Variants in ZZEF1 observed in about 807,000 individuals in gnomAD.
The protein encoded by ZZEF1 is zinc finger ZZ-type and EF-hand domain containing 1.
In ZZEF1, 157 loss-of-function variants were observed where a neutral mutation model predicts 342.8. That is an observed-to-expected ratio of 0.46 (90% CI 0.40 to 0.52). The LOEUF (loss-of-function observed/expected upper bound fraction) is 0.52, where lower values mean the gene tolerates loss of function less well. Ranked by LOEUF, ZZEF1 falls within the 20% of genes least tolerant of loss-of-function variation. The pLI, the probability that ZZEF1 is intolerant of heterozygous loss-of-function variation, is 0.00. For synonymous variants in ZZEF1, 1,505 were observed against 1,429.1 expected, an observed-to-expected ratio of 1.05 and a Z score of -1.20; for missense variants, 3,480 against 3,725.6, an observed-to-expected ratio of 0.93 and a Z score of 1.72.
intron 1 of ZZEF1, among the ~76,000 whole-genome samples, chr17:4,138,046 G>C (rs2058782156): frequency 2.0e-5 from 3 of 152,182 alleles, no homozygotes; most frequent in African/African-American, 7.2e-5. Context: ...CATCCCACTA[G>C]CTAGCACAGG....
intron 7 of ZZEF1, 98 bp from the exon 8 acceptor site, chr17:4,104,909 C>T (rs1258954882): frequency 1.4e-5 from 14 of 982,664 alleles, no homozygotes; most frequent in Non-Finnish European, 2.1e-5. Context: ...TAACATTAAC[C>T]TGCCATATGC....
intron 5 of ZZEF1, among the ~76,000 whole-genome samples, chr17:4,110,222 A>G (rs941460936): frequency 1.3e-5 from 2 of 152,216 alleles, no homozygotes; most frequent in Non-Finnish European, 2.9e-5. Flanking sequence ...GGATTCTGAA[A>G]TTTGGATTAA....
chr17:4,072,873 G>T, intron 24 of ZZEF1, 117 bp from the exon 25 acceptor site: 1 of 1,061,724 alleles, frequency 9.4e-7, no homozygotes, highest in South Asian at 1.8e-5. Context: ...CTTAGAGAAA[G>T]TTTACCCACA....
chr17:4,060,762 G>A lies in ZZEF1; in HGVS notation c.4884-1472C>T, dbSNP rs539226162. On this transcript the variant is annotated intron_variant, in intron 30 of 54. Coordinates refer to ENST00000381638, the MANE Select transcript of ZZEF1 (RefSeq NM_015113.4). Reference sequence around the variant, plus strand: ...AGAAAGAAAAGTAACAATCACATAGGAATTCCCTTACCTTTGCACCACCAA... The same window carrying A: ...AGAAAGAAAAGTAACAATCACATAGAAATTCCCTTACCTTTGCACCACCAA... Among the ~76,000 whole-genome samples the A allele has an allele frequency of 5.3e-5, 8 of 152,190 alleles. No individual in the cohort carries two copies. In the East Asian group the frequency reaches 1.5e-3, roughly 29 times the overall value.
At chr17:4,099,358 C>T (rs1597890292) in intron 9 of ZZEF1, among the ~76,000 whole-genome samples, 1 of 152,086 alleles carries the variant, frequency 6.6e-6, no homozygotes, top group East Asian at 1.9e-4. Context: ...AGTAGGCCCA[C>T]AGGCAAACAC....
rs571826742 is a variant in ZZEF1 at position 4,038,336 on chromosome 17, T to C, written c.6307-4044A>G. On this transcript the variant is annotated intron_variant, in intron 39 of 54. Transcript: ENST00000381638. Reference sequence around the variant, plus strand: ...GCTCATCAAAAGCCACAGACAGGTGTGCTCATAGTATTGTCTGGAGTAATT... The same window carrying C: ...GCTCATCAAAAGCCACAGACAGGTGCGCTCATAGTATTGTCTGGAGTAATT... Among the ~76,000 whole-genome samples, 6 of 152,340 alleles carry C rather than the reference T, an allele frequency of 3.9e-5. No homozygotes were observed. The East Asian group carries it at 1.2e-3, about 29-fold the overall frequency.
At chr17:4,123,061 G>C (rs1278570827) in intron 2 of ZZEF1, among the ~76,000 whole-genome samples, 1 of 150,700 alleles carries the variant, frequency 6.6e-6, no homozygotes, top group African/African-American at 2.4e-5. Flanking sequence ...CTGGGACTAC[G>C]GGCACCCGCC....
intron 1 of ZZEF1, among the ~76,000 whole-genome samples, chr17:4,134,677 A>C (rs1022824671): frequency 6.6e-6 from 1 of 151,808 alleles, no homozygotes; most frequent in Admixed American, 6.6e-5. Context: ...CAGAGAGGTT[A>C]TTTTTTTTAA....
At chr17:4,094,222 G>A (rs8066298) in intron 11 of ZZEF1, among the ~76,000 whole-genome samples, 25,270 of 152,010 alleles carry the variant, frequency 0.17, 2,132 homozygotes, top group East Asian at 0.18. Flanking sequence ...GTTCACTGCA[G>A]CCTCAACCTC....
At chr17:4,124,145 T>C (rs1597928122) in intron 1 of ZZEF1, 94 bp from the exon 2 acceptor site, 4 of 1,421,270 alleles carry the variant, frequency 2.8e-6, no homozygotes, top group East Asian at 5.0e-5. Flanking sequence ...AGACCGGTGA[T>C]TTATTTATTT....
At chr17:4,052,163 G>C in intron 34 of ZZEF1, 27 bp from the exon 35 acceptor site, 1 of 1,589,112 alleles carries the variant, frequency 6.3e-7, no homozygotes, top group East Asian at 2.3e-5. Flanking sequence ...CAGTGTGAGG[G>C]GATGAGGTAG....
chr17:4,060,356 G>A (rs951229269), intron 30 of ZZEF1, among the ~76,000 whole-genome samples: 1 of 152,102 alleles, frequency 6.6e-6, no homozygotes, highest in African/African-American at 2.4e-5. Context: ...ATTGAGGTCA[G>A]GAGTTCAAGA....
chr17:4,024,811 T>G, intron 43 of ZZEF1, 108 bp downstream of exon 43: 1 of 1,098,796 alleles, frequency 9.1e-7, no homozygotes, highest in African/African-American at 1.5e-5. Flanking sequence ...ATCAAGATCC[T>G]ATGGTTTACC....
intron 30 of ZZEF1, among the ~76,000 whole-genome samples, chr17:4,061,531 G>A (rs1327220117): frequency 6.6e-6 from 1 of 152,014 alleles, no homozygotes; most frequent in Non-Finnish European, 1.5e-5. Context: ...TAGTTAAAAC[G>A]CTGACCTCTG....
At chr17:4,089,421 G>A (rs371733036) in intron 12 of ZZEF1, among the ~76,000 whole-genome samples, 2 of 152,202 alleles carry the variant, frequency 1.3e-5, no homozygotes, top group South Asian at 2.1e-4. Flanking sequence ...ACTCAACTGC[G>A]TAAATATTTA....
At position 4,124,051 on chromosome 17, in the gene ZZEF1, C is replaced by A; in HGVS notation, c.355G>T (p.Ala119Ser). 1 of 1,608,764 alleles carries A rather than the reference C, an allele frequency of 6.2e-7. No individual in the cohort carries two copies. The change falls in exon 2 of 55, where the codon GCC becomes TCC. Residue 119 changes from alanine to serine, a missense_variant and splice_region_variant. By Grantham distance (99) the Ala-to-Ser change is moderately conservative (BLOSUM62 1). Around this residue, in one of 5 missense-constraint regions of ZZEF1, gnomAD observed 416 missense variants for 374.2 expected, o/e 1.11. Transcript: ENST00000381638. The part of the protein sequence containing the change: ...AGCSSEQFEE[A>S]FAQFDAEGDG... ...CCCTCAGCATCAAACTGGGCAAAGGCCTACAAGATAAGAGATGCAAGAAAA... is the reference window on the plus strand; with the variant it reads ...CCCTCAGCATCAAACTGGGCAAAGGACTACAAGATAAGAGATGCAAGAAAA...
intron 54 of ZZEF1, among the ~76,000 whole-genome samples, chr17:4,007,955 C>T (rs374894163): frequency 4.6e-5 from 7 of 150,882 alleles, no homozygotes; most frequent in Admixed American, 2.6e-4. Flanking sequence ...AGCTGTCCTC[C>T]GGGGGGGTGG....
At chr17:4,086,321 CCCTTTCT>C in intron 15 of ZZEF1, among the ~76,000 whole-genome samples, 158 bp downstream of exon 15, 1 of 136,482 alleles carries the variant, frequency 7.3e-6, no homozygotes, top group African/African-American at 3.2e-5. Context: ...CAGCGGCAAT[CCCTTTCT>C]GGGGGATTCC....
chr17:4,066,359 G>A (rs958203624), intron 28 of ZZEF1, 88 bp downstream of exon 28: 33 of 1,136,062 alleles, frequency 2.9e-5, no homozygotes, highest in Non-Finnish European at 8.0e-6. Context: ...CCTCAATTAA[G>A]ATAATCTAGA....
Sources: allele counts gnomAD v4.1 joint callset (sites outside exome capture counted in the v4.1 genomes callset), GRCh38; gene constraint gnomAD v4.1.1; regional missense constraint gnomAD v4.1.1; transcripts MANE v1.5; gene names NCBI Gene and HGNC (gene_info 2026-07-23, HGNC 2026-07-21).